AUH: variants seen among roughly 807,000 people sequenced by gnomAD.
The protein encoded by AUH is methylglutaconyl-CoA hydratase, mitochondrial.
Under a neutral mutation model 42.3 loss-of-function variants are expected in AUH, and 29 were observed. The ratio of observed to expected loss-of-function variants is 0.69; its 90% CI spans 0.51 to 0.93. The LOEUF is 0.93. Ranked by LOEUF, AUH falls within the 40% of genes least tolerant of loss-of-function variation. AUH has a pLI of 0.00. For missense variants in AUH, 452 were observed against 438.1 expected (o/e 1.03, Z -0.28); for synonymous variants, 174 against 166.4 (o/e 1.05, Z -0.35).
intron 6 of AUH, among the ~76,000 whole-genome samples, chr9:91,282,902 A>G (rs1826087530): frequency 6.6e-6 from 1 of 152,192 alleles, no homozygotes; most frequent in African/African-American, 2.4e-5. Context: ...AGCGGGTACC[A>G]TTCCTTCTGA....
At chr9:91,252,495 C>A (rs1021691591) in intron 6 of AUH, among the ~76,000 whole-genome samples, 8 of 152,076 alleles carry the variant, frequency 5.3e-5, no homozygotes, top group Non-Finnish European at 1.2e-4. Context: ...TTTTGCAGAA[C>A]CCCCAAGAGG....
At chr9:91,288,469 T>C (rs1564067483) in intron 6 of AUH, among the ~76,000 whole-genome samples, 1 of 152,130 alleles carries the variant, frequency 6.6e-6, no homozygotes, top group South Asian at 2.1e-4. Flanking sequence ...CTATATATTG[T>C]ACAAAAATCC....
chr9:91,265,718 A>G (rs1269722381), intron 6 of AUH, among the ~76,000 whole-genome samples: 4 of 152,188 alleles, frequency 2.6e-5, no homozygotes, highest in Non-Finnish European at 5.9e-5. Flanking sequence ...ATCAAAATCC[A>G]TATCATCAGG....
intron 6 of AUH, among the ~76,000 whole-genome samples, chr9:91,222,282 T>G (rs1650108914): frequency 6.6e-6 from 1 of 152,232 alleles, no homozygotes; most frequent in African/African-American, 2.4e-5. Flanking sequence ...TAACAAAGTA[T>G]GCCTCAGTTG....
chr9:91,361,784 G>A lies in AUH; in HGVS notation c.106C>T (p.Leu36=). Residue 36 remains leucine (L), a synonymous_variant, in exon 1 of 10, where the codon CTG becomes TTG. Coordinates refer to ENST00000375731, the MANE Select transcript of AUH (RefSeq NM_001698.3). The stretch of plus-strand genomic sequence containing the variant: ...CGCCGGCCTGCCAACGAGCCGGGCA[G>A]CCTCAACCCCGGGCAGAGCCACGCA... The part of the protein sequence containing the change: ...CSAWLCPGLR[L]PGSLAGRRAG... 6.5e-7 allele frequency: 1 copy of A among 1,543,276 alleles called. No homozygotes were observed.
At chr9:91,283,103 G>C (rs1469167685) in intron 6 of AUH, among the ~76,000 whole-genome samples, 3 of 152,160 alleles carry the variant, frequency 2.0e-5, no homozygotes, top group Non-Finnish European at 4.4e-5. Context: ...ACATCAAAAA[G>C]CTTATCCACC....
At chr9:91,273,697 C>T (rs192738471) in intron 6 of AUH, among the ~76,000 whole-genome samples, 2 of 152,282 alleles carry the variant, frequency 1.3e-5, no homozygotes, top group East Asian at 1.9e-4. Context: ...CATATGTGTA[C>T]ATTCATGAGG....
chr9:91,241,269 G>A (rs1828498200), intron 6 of AUH, among the ~76,000 whole-genome samples: 1 of 152,050 alleles, frequency 6.6e-6, no homozygotes, highest in South Asian at 2.1e-4. Context: ...CAATTACTAG[G>A]GCTGCAGTAA....
At chr9:91,241,285 C>G (rs1178914885) in intron 6 of AUH, among the ~76,000 whole-genome samples, 2 of 152,172 alleles carry the variant, frequency 1.3e-5, no homozygotes, top group Non-Finnish European at 2.9e-5. Flanking sequence ...AGTAAGACAT[C>G]TACCTACCTA....
chr9:91,342,702 T>C (rs1012111387), intron 3 of AUH: 2 of 152,216 alleles, frequency 1.3e-5, no homozygotes, highest in African/African-American at 4.8e-5. Flanking sequence ...CAACAACCAA[T>C]CAATCATTAC....
At chr9:91,312,409 T>C (rs553803857) in intron 4 of AUH, among the ~76,000 whole-genome samples, 2 of 152,292 alleles carry the variant, frequency 1.3e-5, no homozygotes, top group Non-Finnish European at 2.9e-5. Flanking sequence ...AAGATGCCTA[T>C]GGTTCAACAG....
intron 7 of AUH, among the ~76,000 whole-genome samples, chr9:91,219,507 T>C (rs773495983): frequency 1.4e-4 from 22 of 152,254 alleles, no homozygotes; most frequent in Non-Finnish European, 2.6e-4. Context: ...AAGTTTGTAG[T>C]GAGAATCTTA....
chr9:91,221,127 A>G lies in AUH; in HGVS notation c.656-135T>C. The G allele has an allele frequency of 7.4e-6, 7 of 947,092 alleles. No individual in the cohort carries two copies. In the South Asian group the frequency reaches 9.1e-5, roughly 12 times the overall value. 58.7% of individuals were successfully genotyped at this position (947,092 alleles called of 1,614,324 possible). A position where few individuals can be genotyped will look rare whatever the true frequency, so the allele number is the denominator to read the frequency against. ...TGTTAAAATTAGTAGCTGGAAAACT[A>G]CTTCAGAACAGAATCTAATTTCTTA... On this transcript the variant is annotated intron_variant, in intron 6 of 9. Transcript: ENST00000375731.
intron 3 of AUH, among the ~76,000 whole-genome samples, chr9:91,336,858 CTTAAT>C (rs1830732581): frequency 6.6e-6 from 1 of 152,130 alleles, no homozygotes; most frequent in Non-Finnish European, 1.5e-5. Flanking sequence ...ACTGATGGCT[CTTAAT>C]TTAAAGAGGA....
In AUH at chr9:91,296,044, T is replaced by C. The variant is rs771641120; in HGVS notation, c.632A>G (p.Lys211Arg). Residue 211 changes from lysine (K) to arginine (R), a missense_variant, in exon 6 of 10, where the codon AAA becomes AGA. Transcript: ENST00000375731. Reference protein sequence around the residue: ...SSAKMGLVETKLAIIPGGGGT... With the variant: ...SSAKMGLVETRLAIIPGGGGT... The stretch of plus-strand genomic sequence containing the variant: ...ACCTCCACCAGGAATAATCGCCAAT[T>C]TTGTTTCAACCAGGCCCATTTTTGC... The C allele has an allele frequency of 6.2e-7, 1 of 1,614,072 alleles. No individual in the cohort carries two copies. Among genetic ancestry groups the C allele is most frequent in the South Asian group, 1.1e-5 (1 of 91,084 alleles).
chr9:91,270,046 A>C (rs1003705809), intron 6 of AUH, among the ~76,000 whole-genome samples: 1 of 152,218 alleles, frequency 6.6e-6, no homozygotes, highest in African/African-American at 2.4e-5. Flanking sequence ...CTTTTACTAA[A>C]ATTAAAATTC....
At chr9:91,214,541 C>A (rs1826715290) in intron 9 of AUH, 116 bp from the exon 10 acceptor site, 1 of 819,708 alleles carries the variant, frequency 1.2e-6, no homozygotes, top group Non-Finnish European at 1.9e-6. Flanking sequence ...AAATCAGTCA[C>A]CTGAACAATT....
chr9:91,237,729 T>C (rs950882382), intron 6 of AUH, among the ~76,000 whole-genome samples: 4 of 152,210 alleles, frequency 2.6e-5, no homozygotes, highest in African/African-American at 9.7e-5. Flanking sequence ...CCTTTTGACA[T>C]GACCAAAATA....
intron 6 of AUH, among the ~76,000 whole-genome samples, chr9:91,283,477 G>C (rs1438885537): frequency 6.6e-6 from 1 of 152,122 alleles, no homozygotes; most frequent in Non-Finnish European, 1.5e-5. Context: ...TCAGGCAGGA[G>C]AAAGAAATAA....
Sources: allele counts gnomAD v4.1 joint callset (sites outside exome capture counted in the v4.1 genomes callset), GRCh38; gene constraint gnomAD v4.1.1; transcripts MANE v1.5; gene names NCBI Gene and HGNC (gene_info 2026-07-23, HGNC 2026-07-21).